Variants in EME1 observed in about 807,000 individuals in gnomAD.
The protein encoded by EME1 is essential meiotic structure-specific endonuclease 1, also known as structure-specific endonuclease subunit EME1.
EME1 carries 61 observed loss-of-function variants against 59.1 expected under a neutral mutation model. The observed-to-expected ratio is 1.03, with a 90% CI of 0.84 to 1.28. The LOEUF (loss-of-function observed/expected upper bound fraction) is 1.28. Ranked by LOEUF, EME1 falls within the 50% of genes most tolerant of loss-of-function variation. EME1 has a pLI of 0.00. For missense variants in EME1, 635 were observed against 682.6 expected, an observed-to-expected ratio of 0.93 and a Z score of 0.78; for synonymous variants, 230 against 254.2, an observed-to-expected ratio of 0.90 and a Z score of 0.90.
At chr17:50,380,687 C>T (rs1913772126) in intron 8 of EME1, 76 bp from the exon 9 acceptor site, 16 of 1,594,396 alleles carry the variant, frequency 1.0e-5, no homozygotes, top group Admixed American at 5.0e-5. Context: ...CCAAGCCAAG[C>T]GTAGCACCCT....
rs539770799 is a variant in EME1, at chr17:50,374,985, C to T, written c.-24-200C>T. The stretch of plus-strand genomic sequence containing the variant: ...CTACTTTGTTTATACTTCAGCTTGA[C>T]CTGGAAAGAATTTGAGGAGGATTCC... On this transcript the variant is annotated intron_variant, in intron 1 of 8. Transcript: ENST00000338165. The T allele has an allele frequency of 1.7e-5, 8 of 464,792 alleles. No individual in the cohort carries two copies. The East Asian group carries it at 3.0e-4, about 17-fold the overall frequency. The allele number at this position is 464,792 out of a possible 1,614,324, so 28.8% of individuals were successfully genotyped here. A position where few individuals can be genotyped will look rare whatever the true frequency, so the allele number is the denominator to read the frequency against.
chr17:50,375,295 A>G lies in EME1; in HGVS notation c.87A>G (p.Glu29=). 1 of 1,614,194 alleles carries G rather than the reference A, an allele frequency of 6.2e-7. No homozygotes were observed. Among genetic ancestry groups the G allele is most frequent in the Non-Finnish European group, 8.5e-7 (1 of 1,180,026 alleles). ...ELPTFAFLKK[E]PSSTKRRQPE... ...CAACATTTGCCTTTCTGAAGAAGGA[A>G]CCATCTTCAACAAAGAGGAGACAGC... Residue 29 remains glutamate, a synonymous_variant, in exon 2 of 9, where the codon GAA becomes GAG. Coordinates refer to ENST00000338165, the MANE Select transcript of EME1 (RefSeq NM_152463.4).
rs1913461161 is a variant in EME1, at chr17:50,376,208, G to A, written c.903+15G>A. 1 of 1,609,004 alleles carries A rather than the reference G, an allele frequency of 6.2e-7. No homozygotes were observed. Among genetic ancestry groups the A allele is most frequent in the South Asian group, 1.1e-5 (1 of 90,942 alleles). ...GGCCGTCTGAGGTAGGAGTTTTCTG[G>A]CTGACATTTCCTCCCTCTCCTCCCC... On this transcript the variant is annotated intron_variant, in intron 3 of 8. Transcript: ENST00000338165.
chr17:50,375,611 T>C lies in EME1; in HGVS notation c.403T>C (p.Trp135Arg). Residue 135 changes from tryptophan to arginine, a missense_variant, in exon 2 of 9, where the codon TGG (tryptophan) becomes CGG (arginine). Coordinates refer to ENST00000338165, the MANE Select transcript of EME1 (RefSeq NM_152463.4). The part of the protein sequence containing the change: ...HQNNEGASCD[W>R]KKPFPKIPEV... ...AAATAATGAAGGTGCATCATGTGACTGGAAAAAGCCCTTTCCAAAGATCCC... is the reference window on the plus strand; with the variant it reads ...AAATAATGAAGGTGCATCATGTGACCGGAAAAAGCCCTTTCCAAAGATCCC... 1 of 1,568,526 alleles carries C rather than the reference T, an allele frequency of 6.4e-7. No homozygotes were observed. The highest frequency in any genetic ancestry group is 8.6e-7 in the Non-Finnish European group (1 of 1,164,556).
Position 50,378,603 on chromosome 17 carries a change from G to A in EME1, c.912G>A (p.Glu304=). Reference sequence around the variant, plus strand: ...TCTGGGTACTTTGGCAGGACAGAGAGGACTGGGTGGAGGAGCCAACAGTAC... The same window carrying A: ...TCTGGGTACTTTGGCAGGACAGAGAAGACTGGGTGGAGGAGCCAACAGTAC... ...RRRAGPSEDR[E]DWVEEPTVLV... Residue 304 remains glutamate, a synonymous_variant, in exon 4 of 9, where the codon GAG becomes GAA. Coordinates refer to ENST00000338165, the MANE Select transcript of EME1 (RefSeq NM_152463.4). The A allele has an allele frequency of 6.2e-7, 1 of 1,613,750 alleles. No individual in the cohort carries two copies. The highest frequency in any genetic ancestry group is 8.5e-7 in the Non-Finnish European group (1 of 1,179,954).
Position 50,379,223 on chromosome 17 carries a change from A to C in EME1, c.1229A>C (p.Glu410Ala), listed in dbSNP as rs1329687950. The change falls in exon 6 of 9, where the codon GAG (glutamate) becomes GCG (alanine). Residue 410 changes from glutamate (E) to alanine (A), a missense_variant and splice_region_variant. Physicochemically the swap from Glu to Ala is moderately radical, Grantham distance 107. Transcript: ENST00000338165. ...ATGGTATCCAGGGTAGACGCTGAAG[A>C]GGTAAGAACGTCCTGTTGCCTGAAT... ...GSMVSRVDAEEALVDLQLHTE... is the reference protein window; with the variant it reads ...GSMVSRVDAEAALVDLQLHTE... 1 of 1,614,072 alleles carries C rather than the reference A, an allele frequency of 6.2e-7. No homozygotes were observed. Among genetic ancestry groups the C allele is most frequent in the Admixed American group, 1.7e-5 (1 of 60,014 alleles).
intron 5 of EME1, 25 bp downstream of exon 5, chr17:50,378,920 ATG>A (rs1293748947): frequency 6.2e-7 from 1 of 1,614,164 alleles, no homozygotes; most frequent in Admixed American, 1.7e-5. Flanking sequence ...TGGTGATTTC[ATG>A]TTAAAAGGGG....
Position 50,375,607 on chromosome 17 carries a change from T to G in EME1, c.399T>G (p.Cys133Trp). 2 of 1,572,660 alleles carry G rather than the reference T, an allele frequency of 1.3e-6. No individual in the cohort carries two copies. Among genetic ancestry groups the G allele is most frequent in the African/African-American group, 1.8e-5 (1 of 55,978 alleles). Residue 133 changes from cysteine to tryptophan, a missense_variant, in exon 2 of 9, where the codon TGT (cysteine) becomes TGG (tryptophan). Coordinates refer to ENST00000338165, the MANE Select transcript of EME1 (RefSeq NM_152463.4). ...ATCAAAATAATGAAGGTGCATCATG[T>G]GACTGGAAAAAGCCCTTTCCAAAGA... The part of the protein sequence containing the change: ...LDHQNNEGAS[C>W]DWKKPFPKIP...
chr17:50,377,597 CA>C (rs1225315861), intron 3 of EME1, among the ~76,000 whole-genome samples: 3 of 152,026 alleles, frequency 2.0e-5, no homozygotes, highest in Non-Finnish European at 1.5e-5. Context: ...GTCTTTGTCA[CA>C]AAAAAACCTA....
In EME1 at chr17:50,379,509, A is replaced by T; in HGVS notation, c.1288A>T (p.Lys430Ter). The change falls in exon 7 of 9, where the codon AAA becomes TAA. Residue 430 changes from lysine to a stop codon, truncating the protein, a stop_gained. Transcript: ENST00000338165. LOFTEE classifies it high-confidence loss of function. ...CCAGGCTCAAATTGTGCAGAGCTGG[A>T]AAGAGCTGGCCGACTTCACATGCGC... ...EAQAQIVQSW[K>*]ELADFTCAFT... is the part of the protein sequence containing the mutation. The T allele has an allele frequency of 6.2e-7, 1 of 1,614,212 alleles. No individual in the cohort carries two copies.
At chr17:50,373,309 G>T in intron 1 of EME1, 32 bp downstream of exon 1, 1 of 1,189,268 alleles carries the variant, frequency 8.4e-7, no homozygotes, top group Non-Finnish European at 1.2e-6. Flanking sequence ...CCTGCGGATT[G>T]GGCAGGGCTT....
intron 4 of EME1, 23 bp from the exon 5 acceptor site, chr17:50,378,751 G>A: frequency 6.2e-7 from 1 of 1,614,210 alleles, no homozygotes; most frequent in Admixed American, 1.7e-5. Context: ...AAGTATTAAT[G>A]CAGTTTCTGC....
At position 50,375,313 on chromosome 17, in the gene EME1, G is replaced by C. The variant is rs1196301172; in HGVS notation, c.105G>C (p.Arg35Ser). ...AGAAGGAACCATCTTCAACAAAGAG[G>C]AGACAGCCTGAAAGGGAAGAGAAGA... ...FLKKEPSSTKRRQPEREEKIV... is the reference protein window; with the variant it reads ...FLKKEPSSTKSRQPEREEKIV... The change falls in exon 2 of 9, where the codon AGG becomes AGC. Residue 35 changes from arginine to serine, a missense_variant. Coordinates refer to ENST00000338165, the MANE Select transcript of EME1 (RefSeq NM_152463.4). The C allele has an allele frequency of 6.2e-7, 1 of 1,614,208 alleles. No homozygotes were observed.
Position 50,375,300 on chromosome 17 carries a change from C to G in EME1, c.92C>G (p.Ser31Cys). The G allele has an allele frequency of 6.2e-7, 1 of 1,614,186 alleles. No homozygotes were observed. The highest frequency in any genetic ancestry group is 1.1e-5 in the South Asian group (1 of 91,082). ...TTTGCCTTTCTGAAGAAGGAACCAT[C>G]TTCAACAAAGAGGAGACAGCCTGAA... is the stretch of plus-strand genomic sequence containing the variant. Reference protein sequence around the residue: ...PTFAFLKKEPSSTKRRQPERE... With the variant: ...PTFAFLKKEPCSTKRRQPERE... Residue 31 changes from serine to cysteine, a missense_variant, in exon 2 of 9, where the codon TCT becomes TGT. Ser to Cys is a moderately radical substitution (Grantham distance 112). Transcript: ENST00000338165.
At position 50,379,232 on chromosome 17, in the gene EME1, C is replaced by T. The variant is rs138144306; in HGVS notation, c.1230+8C>T. On this transcript the variant is annotated splice_region_variant and intron_variant, in intron 6 of 8. Coordinates refer to ENST00000338165, the MANE Select transcript of EME1 (RefSeq NM_152463.4). ...AGGGTAGACGCTGAAGAGGTAAGAA[C>T]GTCCTGTTGCCTGAATCGGGCTGGG... is the stretch of plus-strand genomic sequence containing the variant. The T allele has an allele frequency of 1.3e-4, 209 of 1,613,966 alleles. No homozygotes were observed. Among genetic ancestry groups the T allele is most frequent in the African/African-American group, 6.7e-4 (50 of 75,052 alleles).
chr17:50,380,797 A>G lies in EME1; in HGVS notation c.1571A>G (p.Gln524Arg), dbSNP rs1913783004. ...CAGTGTTTTTCGGATAAAGAACGCC[A>G]GAATTTGCTCGCAGACATACAGGTG... is the stretch of plus-strand genomic sequence containing the variant. ...YQQCFSDKER[Q>R]NLLADIQVRR... is the part of the protein sequence containing the mutation. Residue 524 changes from glutamine to arginine, a missense_variant, in exon 9 of 9, where the codon CAG becomes CGG. Transcript: ENST00000338165. The G allele has an allele frequency of 6.2e-7, 1 of 1,614,272 alleles. No individual in the cohort carries two copies. The highest frequency in any genetic ancestry group is 8.5e-7 in the Non-Finnish European group (1 of 1,180,048).
chr17:50,379,385 G>A (rs1913662232), intron 6 of EME1, 67 bp from the exon 7 acceptor site: 1 of 1,593,820 alleles, frequency 6.3e-7, no homozygotes, highest in East Asian at 2.2e-5. Flanking sequence ...TGTGGCTTTA[G>A]TGGACAGTGA....
At chr17:50,377,402 T>C (rs923982943) in intron 3 of EME1, among the ~76,000 whole-genome samples, 1 of 152,194 alleles carries the variant, frequency 6.6e-6, no homozygotes, top group Non-Finnish European at 1.5e-5. Flanking sequence ...TGCTGTAATA[T>C]AGGTCTTGCT....
chr17:50,378,459 A>C (rs776640950), intron 3 of EME1, 136 bp from the exon 4 acceptor site: 4 of 818,414 alleles, frequency 4.9e-6, no homozygotes, highest in Non-Finnish European at 8.2e-6. Flanking sequence ...TTCTTGCCAC[A>C]GTGACTTCAT....
Sources: gnomAD v4.1 joint callset for allele counts (sites outside exome capture counted in the v4.1 genomes callset) on GRCh38, gnomAD v4.1.1 for gene constraint, MANE v1.5 for transcripts, NCBI Gene and HGNC (gene_info 2026-07-23, HGNC 2026-07-21) for gene names.